Variants in ZNFX1 observed in about 807,000 individuals in gnomAD.
ZNFX1 encodes NFX1-type zinc finger-containing protein 1.
Under a neutral mutation model 179.8 loss-of-function variants are expected in ZNFX1, and 78 were observed. The ratio of observed to expected loss-of-function variants is 0.43; its 90% CI spans 0.36 to 0.52. The LOEUF is 0.52. Ranked by LOEUF, ZNFX1 falls within the 20% of genes least tolerant of loss-of-function variation. The pLI is 0.00. For missense variants in ZNFX1, 1,927 were observed against 2,386.6 expected (o/e 0.81, Z 4.01); for synonymous variants, 848 against 868.5 (o/e 0.98, Z 0.42).
chr20:49,257,695 G>T (rs1219214320), intron 7 of ZNFX1, 31 bp from the exon 8 acceptor site: 1 of 1,518,602 alleles, frequency 6.6e-7, no homozygotes, highest in Non-Finnish European at 8.8e-7. Context: ...GGAGAGAGAT[G>T]AAAACTCTTT....
In ZNFX1 at chr20:49,271,664, G is replaced by A. The variant is rs1215010546; in HGVS notation, c.148C>T (p.Pro50Ser). ...ANALRGGASH[P>S]GRHPRANNHP... The stretch of plus-strand genomic sequence containing the variant: ...TTGTTGGCCCTAGGATGCCTTCCAG[G>A]GTGGCTGGCTCCTCCTCGGAGAGCA... Residue 50 changes from proline (P) to serine (S), a missense_variant, in exon 3 of 14, where the codon CCT (proline) becomes TCT (serine). Pro to Ser is a moderately conservative substitution (Grantham distance 74, BLOSUM62 -1). Coordinates refer to ENST00000396105, the MANE Select transcript of ZNFX1 (RefSeq NM_021035.3). 1 of 1,613,806 alleles carries A rather than the reference G, an allele frequency of 6.2e-7. No homozygotes were observed. The highest frequency in any genetic ancestry group is 1.1e-5 in the South Asian group (1 of 91,076).
Position 49,255,920 on chromosome 20 carries a change from T to A in ZNFX1, c.2692A>T (p.Lys898Ter), listed in dbSNP as rs759039467. ...QTQRNQKKKM[K>*]KRVKDELRKL... ...CGAAGCTCATCCTTCACTCTTTTTTTCATTTTCTTTTTCTGGTTGCGCTGG... is the reference window on the plus strand; with the variant it reads ...CGAAGCTCATCCTTCACTCTTTTTTACATTTTCTTTTTCTGGTTGCGCTGG... The change falls in exon 9 of 14, where the codon AAA becomes TAA. Residue 898 changes from lysine to a stop codon, truncating the protein, a stop_gained. Transcript: ENST00000396105. LOFTEE classifies it high-confidence loss of function. 6.2e-7 allele frequency: 1 copy of A among 1,614,200 alleles called. No homozygotes were observed. Among genetic ancestry groups the A allele is most frequent in the Non-Finnish European group, 8.5e-7 (1 of 1,180,042 alleles).
At position 49,265,503 on chromosome 20, in the gene ZNFX1, T is replaced by G. The variant is rs1600993845; in HGVS notation, c.2002+632A>C. 2.0e-5 allele frequency among the ~76,000 whole-genome samples: 3 copies of G among 152,348 alleles called. No individual in the cohort carries two copies. The South Asian group carries it at 6.2e-4, about 32-fold the overall frequency. On this transcript the variant is annotated intron_variant, in intron 4 of 13. Transcript: ENST00000396105. The stretch of plus-strand genomic sequence containing the variant: ...TCTGGGTGGGGTAGGGATCTATTTT[T>G]AAGAATCTAATATTTAAACTCAGAC...
intron 3 of ZNFX1, 85 bp downstream of exon 3, chr20:49,269,857 A>C (rs920272783): frequency 1.4e-6 from 2 of 1,433,236 alleles, no homozygotes; most frequent in Admixed American, 2.3e-5. Context: ...AAATAAGAAG[A>C]CATTCTAGAA....
chr20:49,274,910 CAGG>C (rs1406749557), intron 2 of ZNFX1, among the ~76,000 whole-genome samples: 1 of 151,850 alleles, frequency 6.6e-6, no homozygotes, highest in Non-Finnish European at 1.5e-5. Context: ...ATCACGAGGT[CAGG>C]AGATCAAGAC....
Position 49,270,616 on chromosome 20 carries a change from C to T in ZNFX1, c.1196G>A (p.Gly399Asp). ...LELLQSFEDQ[G>D]LRKRKFDDIR... Reference sequence around the variant, plus strand: ...GTCATCAAACTTTCTCTTCCTCAGGCCCTGGTCTTCAAAGCTTTGGAGAAG... The same window carrying T: ...GTCATCAAACTTTCTCTTCCTCAGGTCCTGGTCTTCAAAGCTTTGGAGAAG... The change falls in exon 3 of 14, where the codon GGC becomes GAC. Residue 399 changes from glycine to aspartate, a missense_variant. By Grantham distance (94) the Gly-to-Asp change is moderately conservative. Transcript: ENST00000396105. The surrounding 1 kb of genome is among the most constrained non-coding windows in gnomAD (Gnocchi z 4.6). 6.2e-7 allele frequency: 1 copy of T among 1,614,184 alleles called. No homozygotes were observed. Among genetic ancestry groups the T allele is most frequent in the Non-Finnish European group, 8.5e-7 (1 of 1,180,040 alleles).
In ZNFX1 at chr20:49,247,981, G is replaced by A; in HGVS notation, c.5043C>T (p.Asp1681=). 6.2e-7 allele frequency: 1 copy of A among 1,614,112 alleles called. No individual in the cohort carries two copies. Among genetic ancestry groups the A allele is most frequent in the African/African-American group, 1.3e-5 (1 of 75,034 alleles). Residue 1681 remains aspartate, a synonymous_variant, in exon 14 of 14, where the codon GAC becomes GAT. Transcript: ENST00000396105. ...KSLLHQLLPE[D]FLMLKEKLAQ... is the part of the protein sequence containing the mutation. ...CCAGCTTCTCCTTTAACATCAGGAA[G>A]TCTTCAGGAAGCAGCTGGTGGAGGA...
At position 49,270,279 on chromosome 20, in the gene ZNFX1, G is replaced by A. The variant is rs1284857434; in HGVS notation, c.1533C>T (p.Tyr511=). The change falls in exon 3 of 14, where the codon TAC becomes TAT. Residue 511 remains tyrosine, a synonymous_variant. Transcript: ENST00000396105. The surrounding 1 kb of genome is among the most constrained non-coding windows in gnomAD (Gnocchi z 4.6). ...CCAGGACGTGCCTGTAGGCCTCAAA[G>A]TATGCAGTTGTCTCTACCATGAGGA... ...DSFLMVETTA[Y]FEAYRHVLEG... 6.2e-7 allele frequency: 1 copy of A among 1,613,988 alleles called. No homozygotes were observed. The highest frequency in any genetic ancestry group is 1.3e-5 in the African/African-American group (1 of 74,948).
intron 8 of ZNFX1, among the ~76,000 whole-genome samples, chr20:49,257,078 C>G (rs546685380): frequency 7.1e-4 from 108 of 152,284 alleles, no homozygotes; most frequent in African/African-American, 2.3e-3. Context: ...TGTTCACAAA[C>G]TCATTTGAAA....
In ZNFX1 at chr20:49,248,627, T is replaced by A. The variant is rs1448987512; in HGVS notation, c.4397A>T (p.Lys1466Met). 6.2e-7 allele frequency: 1 copy of A among 1,614,042 alleles called. No individual in the cohort carries two copies. The highest frequency in any genetic ancestry group is 1.3e-5 in the African/African-American group (1 of 75,068). ...RFHERCQQPC[K>M]RLLICSHKCQ... Reference sequence around the variant, plus strand: ...CTTGTGTGAGCAGATAAGCAGGCGCTTGCAGGGCTGCTGACAGCGTTCATG... The same window carrying A: ...CTTGTGTGAGCAGATAAGCAGGCGCATGCAGGGCTGCTGACAGCGTTCATG... Residue 1466 changes from lysine to methionine, a missense_variant, in exon 14 of 14, where the codon AAG becomes ATG. Lys to Met is a moderately conservative substitution (Grantham distance 95). Coordinates refer to ENST00000396105, the MANE Select transcript of ZNFX1 (RefSeq NM_021035.3). The surrounding 1 kb of genome is among the most constrained non-coding windows in gnomAD (Gnocchi z 4.6).
At chr20:49,275,992 T>C (rs1200324894) in intron 1 of ZNFX1, 105 bp from the exon 2 acceptor site, 20 of 691,408 alleles carry the variant, frequency 2.9e-5, no homozygotes, top group Non-Finnish European at 4.9e-5. Flanking sequence ...TTTAATGATT[T>C]GTTAACTAAG....
chr20:49,258,120 G>A (rs561374211), intron 7 of ZNFX1, among the ~76,000 whole-genome samples: 67 of 140,296 alleles, frequency 4.8e-4, no homozygotes, highest in African/African-American at 1.5e-3. Flanking sequence ...TTTTTGAGAC[G>A]GAGTTTCACT....
chr20:49,266,431 C>T (rs895906489), intron 3 of ZNFX1, among the ~76,000 whole-genome samples, 165 bp from the exon 4 acceptor site: 1 of 152,056 alleles, frequency 6.6e-6, no homozygotes, highest in African/African-American at 2.4e-5. Context: ...ACTCTGTCAC[C>T]CAGTTCTCTG....
At chr20:49,262,833 A>AT (rs1317018659) in intron 6 of ZNFX1, among the ~76,000 whole-genome samples, 1 of 152,196 alleles carries the variant, frequency 6.6e-6, no homozygotes, top group Non-Finnish European at 1.5e-5. Flanking sequence ...CTGCATGACT[A>AT]TATCTATCAA....
chr20:49,257,175 C>T (rs1269521564), intron 8 of ZNFX1, among the ~76,000 whole-genome samples: 1 of 152,218 alleles, frequency 6.6e-6, no homozygotes, highest in African/African-American at 2.4e-5. Context: ...ACAAGTTCTA[C>T]AGAAGCACTT....
At position 49,270,735 on chromosome 20, in the gene ZNFX1, A is replaced by G; in HGVS notation, c.1077T>C (p.Ser359=). The G allele has an allele frequency of 1.2e-6, 2 of 1,614,198 alleles. No individual in the cohort carries two copies. Among genetic ancestry groups the G allele is most frequent in the Non-Finnish European group, 1.7e-6 (2 of 1,180,032 alleles). Reference sequence around the variant, plus strand: ...AGATAGCAGTGCTGTCGTATTTTCCAGAAATGATATTGGGGCGAAGGAAGG... The same window carrying G: ...AGATAGCAGTGCTGTCGTATTTTCCGGAAATGATATTGGGGCGAAGGAAGG... ...ERPFLRPNII[S]GKYDSTAIYL... The change falls in exon 3 of 14, where the codon TCT becomes TCC. Residue 359 remains serine (S), a synonymous_variant. Coordinates refer to ENST00000396105, the MANE Select transcript of ZNFX1 (RefSeq NM_021035.3). This position sits in a 1 kb window ranked among gnomAD's most constrained non-coding sequence, Gnocchi z 4.6.
chr20:49,246,730 G>C lies in ZNFX1; in HGVS notation c.*537C>G, dbSNP rs777379794. 8.9e-5 allele frequency: 36 copies of C among 402,604 alleles called. No individual in the cohort carries two copies. The highest frequency in any genetic ancestry group is 1.7e-4 in the Non-Finnish European group (34 of 203,424). The allele number at this position is 402,604 out of a possible 1,614,324, so 24.9% of individuals were successfully genotyped here. A position where few individuals can be genotyped will look rare whatever the true frequency, so the allele number is the denominator to read the frequency against. On this transcript the variant is annotated 3_prime_UTR_variant, in exon 14 of 14. Transcript: ENST00000396105. ...CAGGGAGTCTGTCCACTAATTTGCA[G>C]GAGAGAAGGGGTGAGATTTGTTAAC...
At chr20:49,276,014 G>C (rs1448104943) in intron 1 of ZNFX1, 127 bp from the exon 2 acceptor site, 5 of 598,978 alleles carry the variant, frequency 8.3e-6, no homozygotes, top group Middle Eastern at 2.6e-4. Flanking sequence ...GTTAAATACA[G>C]ATTTTAATCT....
At chr20:49,264,993 C>T (rs1981202629) in intron 4 of ZNFX1, 129 bp from the exon 5 acceptor site, 1 of 1,281,028 alleles carries the variant, frequency 7.8e-7, no homozygotes, top group Non-Finnish European at 1.1e-6. Context: ...AGGAAATTTA[C>T]CCCATTAATG....
Sources: allele counts gnomAD v4.1 joint callset (sites outside exome capture counted in the v4.1 genomes callset), GRCh38; gene constraint gnomAD v4.1.1; non-coding constraint Gnocchi (gnomAD v3.1); transcripts MANE v1.5; gene names NCBI Gene and HGNC (gene_info 2026-07-23, HGNC 2026-07-21).